BNC2: variants seen among roughly 807,000 people sequenced by gnomAD.
BNC2 encodes the protein basonuclin zinc finger protein 2.
Under a neutral mutation model 76.3 loss-of-function variants are expected in BNC2, and 20 were observed. The observed-to-expected ratio is 0.26, with a 90% CI of 0.18 to 0.38. The LOEUF (loss-of-function observed/expected upper bound fraction) is 0.38, where lower values mean the gene tolerates loss of function less well. Ranked by LOEUF, BNC2 falls within the 10% of genes least tolerant of loss-of-function variation. BNC2 has a pLI of 1.00. For missense variants in BNC2, 1,382 were observed against 1,399.8 expected, an observed-to-expected ratio of 0.99 and a Z score of 0.20; for synonymous variants, 582 against 514.8, an observed-to-expected ratio of 1.13 and a Z score of -1.77.
chr9:16,665,428 GGAAAGAAAA>G (rs1822250272), intron 3 of BNC2, among the ~76,000 whole-genome samples: 1 of 95,296 alleles, frequency 1.0e-5, no homozygotes, highest in South Asian at 3.0e-4. Flanking sequence ...AGGAAAGAAA[GGAAAGAAAA>G]GAAAGAAAGA....
chr9:16,584,156 G>A (rs1819704881), intron 3 of BNC2, among the ~76,000 whole-genome samples: 1 of 152,134 alleles, frequency 6.6e-6, no homozygotes, highest in Non-Finnish European at 1.5e-5. Flanking sequence ...AGATCTCTCT[G>A]CAGATTTAGA....
rs537261673 is a variant in BNC2, at chr9:16,443,115, T to C, written c.670-5591A>G. Among the ~76,000 whole-genome samples, 17 of 147,400 alleles carry C rather than the reference T, an allele frequency of 1.2e-4. No individual in the cohort carries two copies. In the South Asian group the frequency reaches 3.5e-3, roughly 30 times the overall value. On this transcript the variant is annotated intron_variant, in intron 5 of 6. Coordinates refer to ENST00000380672, the MANE Select transcript of BNC2 (RefSeq NM_017637.6). Reference sequence around the variant, plus strand: ...ACAAGAAGCAAACAGTTTAAAAGACTCAATCATATGAACTTATTTTCAGTC... The same window carrying C: ...ACAAGAAGCAAACAGTTTAAAAGACCCAATCATATGAACTTATTTTCAGTC...
At chr9:16,514,442 A>C (rs1340004937) in intron 5 of BNC2, among the ~76,000 whole-genome samples, 1 of 152,176 alleles carries the variant, frequency 6.6e-6, no homozygotes, top group African/African-American at 2.4e-5. Flanking sequence ...AAAAGCCAGA[A>C]TCTTTTGTTA....
In BNC2 at chr9:16,418,873, G is replaced by GCACGCA; in HGVS notation, c.*115_*116insTGCGTG. The GCACGCA allele has an allele frequency of 3.4e-6, 3 of 879,730 alleles. No individual in the cohort carries two copies. Among genetic ancestry groups the GCACGCA allele is most frequent in the Non-Finnish European group, 5.5e-6 (3 of 543,542 alleles). 54.5% of individuals were successfully genotyped at this position (879,730 alleles called of 1,614,324 possible). A position where few individuals can be genotyped will look rare whatever the true frequency, so the allele number is the denominator to read the frequency against. On this transcript the variant is annotated 3_prime_UTR_variant, in exon 7 of 7. Coordinates refer to ENST00000380672, the MANE Select transcript of BNC2 (RefSeq NM_017637.6). ...ATGTAGCCACAGAGCATACATAAAT[G>GCACGCA]CACACACACACACACACACACACAC...
chr9:16,635,990 T>G (rs1177755512), intron 3 of BNC2, among the ~76,000 whole-genome samples: 1 of 152,150 alleles, frequency 6.6e-6, no homozygotes, highest in African/African-American at 2.4e-5. Flanking sequence ...GTTTGTTTGT[T>G]TTATTAATAT....
intron 5 of BNC2, among the ~76,000 whole-genome samples, chr9:16,547,020 C>G (rs576093456): frequency 5.8e-4 from 88 of 152,328 alleles, no homozygotes; most frequent in South Asian, 2.3e-3. Flanking sequence ...AGGAAGCTTA[C>G]AGTGTATCAA....
intron 1 of BNC2, among the ~76,000 whole-genome samples, chr9:16,790,091 C>T (rs928676482): frequency 2.6e-5 from 4 of 152,168 alleles, no homozygotes; most frequent in Non-Finnish European, 5.9e-5. Context: ...GCTCCGCCTC[C>T]CAGGTTTATG....
At chr9:16,741,194 C>T (rs944396494) in intron 1 of BNC2, among the ~76,000 whole-genome samples, 5 of 152,138 alleles carry the variant, frequency 3.3e-5, no homozygotes, top group African/African-American at 1.2e-4. Context: ...TGAAACTCTG[C>T]TATAATCCCA....
At chr9:16,743,200 T>G (rs191536588) in intron 1 of BNC2, among the ~76,000 whole-genome samples, 18 of 152,188 alleles carry the variant, frequency 1.2e-4, no homozygotes, top group South Asian at 2.1e-4. Flanking sequence ...TGGCTTGCAT[T>G]TGACATCTCC....
chr9:16,438,440 T>C (rs1203497063), intron 5 of BNC2, among the ~76,000 whole-genome samples: 1 of 152,162 alleles, frequency 6.6e-6, no homozygotes, highest in African/African-American at 2.4e-5. Flanking sequence ...TTGTTAAATA[T>C]ACATTAAAAA....
chr9:16,472,867 G>T (rs2131392886), intron 5 of BNC2, among the ~76,000 whole-genome samples: 1 of 152,284 alleles, frequency 6.6e-6, no homozygotes, highest in East Asian at 1.9e-4. Context: ...GTGCCAACAG[G>T]CATCAGAAGT....
At chr9:16,532,401 G>C (rs930617871) in intron 5 of BNC2, among the ~76,000 whole-genome samples, 5 of 152,184 alleles carry the variant, frequency 3.3e-5, no homozygotes, top group Non-Finnish European at 5.9e-5. Flanking sequence ...AGTAATGTGA[G>C]CTGAAACAGA....
chr9:16,505,729 T>G (rs1375150557), intron 5 of BNC2, among the ~76,000 whole-genome samples: 1 of 152,098 alleles, frequency 6.6e-6, no homozygotes, highest in Non-Finnish European at 1.5e-5. Context: ...TATAGTTCCC[T>G]CTCCTAAATT....
At chr9:16,562,683 A>G (rs1411116669) in intron 4 of BNC2, among the ~76,000 whole-genome samples, 1 of 152,232 alleles carries the variant, frequency 6.6e-6, no homozygotes, top group African/African-American at 2.4e-5. Context: ...TTCATTAAGC[A>G]TATAAAAACA....
At chr9:16,597,509 T>C (rs1277968737) in intron 3 of BNC2, among the ~76,000 whole-genome samples, 2 of 152,164 alleles carry the variant, frequency 1.3e-5, no homozygotes, top group Admixed American at 1.3e-4. Flanking sequence ...TTTTTTATAA[T>C]GCATATGTAT....
intron 1 of BNC2, among the ~76,000 whole-genome samples, chr9:16,757,432 C>T (rs1825417488): frequency 6.6e-6 from 1 of 152,184 alleles, no homozygotes; most frequent in Non-Finnish European, 1.5e-5. Flanking sequence ...CTCACTCATG[C>T]CCTGGCGCTT....
At chr9:16,544,398 C>G (rs1423816626) in intron 5 of BNC2, among the ~76,000 whole-genome samples, 1 of 152,096 alleles carries the variant, frequency 6.6e-6, no homozygotes, top group East Asian at 1.9e-4. Flanking sequence ...ATCCTAGATA[C>G]TCTAATCATT....
chr9:16,868,565 G>A (rs1397732872), intron 1 of BNC2, among the ~76,000 whole-genome samples: 3 of 152,020 alleles, frequency 2.0e-5, no homozygotes, highest in East Asian at 3.9e-4. Context: ...TTCTCAAGAG[G>A]AAAAAAAGTT....
At position 16,437,373 on chromosome 9, in the gene BNC2, G is replaced by A; in HGVS notation, c.821C>T (p.Pro274Leu). The A allele has an allele frequency of 6.2e-7, 1 of 1,613,378 alleles. No individual in the cohort carries two copies. The highest frequency in any genetic ancestry group is 8.5e-7 in the Non-Finnish European group (1 of 1,179,402). Reference protein sequence around the residue: ...QEKEGQAVAVPSSKTDSDIRT... With the variant: ...QEKEGQAVAVLSSKTDSDIRT... ...TATATCTGAGTCTGTCTTTGAAGAT[G>A]GTACAGCCACGGCCTGCCCTTCTTT... The change falls in exon 6 of 7, where the codon CCA becomes CTA. Residue 274 changes from proline to leucine, a missense_variant. Around this residue, in one of 3 missense-constraint regions of BNC2, gnomAD observed 557 missense variants for 540.9 expected, o/e 1.03. Transcript: ENST00000380672.
Sources: gnomAD v4.1 joint callset for allele counts (sites outside exome capture counted in the v4.1 genomes callset) on GRCh38, gnomAD v4.1.1 for gene constraint, gnomAD v4.1.1 regional missense constraint, MANE v1.5 for transcripts, NCBI Gene and HGNC (gene_info 2026-07-23, HGNC 2026-07-21) for gene names.